NFE2L2: variants seen among roughly 807,000 people sequenced by gnomAD.
NFE2L2 encodes the protein nuclear factor erythroid 2-related factor 2.
A neutral mutation model predicts 49.6 loss-of-function variants in NFE2L2; 20 were observed. That is an observed-to-expected ratio of 0.40 (90% CI 0.28 to 0.59). The LOEUF is 0.59. Ranked by LOEUF, NFE2L2 falls within the 20% of genes least tolerant of loss-of-function variation. The pLI, the probability that NFE2L2 is intolerant of heterozygous loss-of-function variation, is 0.40. For missense variants in NFE2L2, 578 were observed against 714.2 expected (o/e 0.81, Z 2.17); for synonymous variants, 244 against 256.5 (o/e 0.95, Z 0.47).
At position 177,264,681 on chromosome 2, in the gene NFE2L2, G is replaced by A. The variant is rs2105503439; in HGVS notation, c.-105C>T. On this transcript the variant is annotated 5_prime_UTR_variant, in exon 1 of 5. Transcript: ENST00000397062. ...CTCTGGTGGCGGCGGCGGCGGCGGT[G>A]GCGGCTGCGTCGGCGGCTCCTCCGG... 9 of 1,090,224 alleles carry A rather than the reference G, an allele frequency of 8.3e-6. No homozygotes were observed. The highest frequency in any genetic ancestry group is 3.2e-5 in the East Asian group (1 of 30,842). The allele number at this position is 1,090,224 out of a possible 1,614,324, so 67.5% of individuals were successfully genotyped here. A position where few individuals can be genotyped will look rare whatever the true frequency, so the allele number is the denominator to read the frequency against.
chr2:177,243,333 T>A (rs150772414), intron 1 of NFE2L2, among the ~76,000 whole-genome samples: 1,776 of 152,300 alleles, frequency 0.012, 19 homozygotes, highest in Non-Finnish European at 0.02. Context: ...CATGCTGGTG[T>A]ACCCTCATCC....
intron 1 of NFE2L2, among the ~76,000 whole-genome samples, chr2:177,248,892 G>C (rs1240351484): frequency 1.3e-5 from 2 of 152,056 alleles, no homozygotes; most frequent in South Asian, 4.1e-4. Context: ...ATTATCAAGC[G>C]CAAACCTGGC....
At chr2:177,258,587 G>GT (rs1690616184) in intron 1 of NFE2L2, among the ~76,000 whole-genome samples, 1 of 151,876 alleles carries the variant, frequency 6.6e-6, no homozygotes, top group Admixed American at 6.6e-5. Context: ...GATTAAATGG[G>GT]TAAATTGTAA....
rs1689534879 is a variant in NFE2L2 at position 177,231,255 on chromosome 2, A to G, written c.1348T>C (p.Leu450=). Residue 450 remains leucine, a synonymous_variant, in exon 5 of 5, where the codon TTG becomes CTG. Coordinates refer to ENST00000397062, the MANE Select transcript of NFE2L2 (RefSeq NM_006164.5). ...PFTKDKHSSR[L]EAHLTRDELR... Reference sequence around the variant, plus strand: ...TCATCTCTTGTGAGATGAGCCTCCAAGCGGCTTGAATGTTTGTCTTTTGTG... The same window carrying G: ...TCATCTCTTGTGAGATGAGCCTCCAGGCGGCTTGAATGTTTGTCTTTTGTG... 3.1e-6 allele frequency: 5 copies of G among 1,614,206 alleles called. No homozygotes were observed. Among genetic ancestry groups the G allele is most frequent in the Admixed American group, 1.7e-5 (1 of 60,026 alleles).
At chr2:177,234,539 G>T (rs1689673755) in intron 1 of NFE2L2, among the ~76,000 whole-genome samples, 3 of 152,186 alleles carry the variant, frequency 2.0e-5, no homozygotes, top group Admixed American at 2.0e-4. Context: ...GATGGTAGAG[G>T]TCACTAAAGG....
chr2:177,246,468 G>A (rs753781080), intron 1 of NFE2L2, among the ~76,000 whole-genome samples: 1 of 152,048 alleles, frequency 6.6e-6, no homozygotes, highest in African/African-American at 2.4e-5. Flanking sequence ...ACTAGTATCA[G>A]GTTTTTTTTT....
In NFE2L2 at chr2:177,258,260, C is replaced by T. The variant is rs576801914; in HGVS notation, c.45+6272G>A. Among the ~76,000 whole-genome samples, 36 of 152,262 alleles carry T rather than the reference C, an allele frequency of 2.4e-4. 1 individual carries two copies. Among genetic ancestry groups the T allele is most frequent in the South Asian group, 1.9e-3 (9 of 4,828 alleles). Reference sequence around the variant, plus strand: ...AGTATGCAGCCATAAAAAGGAATGACGCTATTGATATACGTTGCAACATTT... The same window carrying T: ...AGTATGCAGCCATAAAAAGGAATGATGCTATTGATATACGTTGCAACATTT... On this transcript the variant is annotated intron_variant, in intron 1 of 4. Coordinates refer to ENST00000397062, the MANE Select transcript of NFE2L2 (RefSeq NM_006164.5).
At chr2:177,239,404 T>C (rs1054034796) in intron 1 of NFE2L2, among the ~76,000 whole-genome samples, 1 of 152,196 alleles carries the variant, frequency 6.6e-6, no homozygotes, top group South Asian at 2.1e-4. Flanking sequence ...TGGCCAGGCA[T>C]GGTGGCTCAC....
At chr2:177,232,785 G>C in intron 3 of NFE2L2, 1 of 562,504 alleles carries the variant, frequency 1.8e-6, no homozygotes, top group South Asian at 2.6e-5. Flanking sequence ...GTCTGTTTCA[G>C]CTTAAGCATT....
intron 2 of NFE2L2, chr2:177,233,714 C>G: frequency 1.9e-6 from 1 of 531,584 alleles, no homozygotes; most frequent in South Asian, 2.4e-5. Context: ...TCTCCTGCTA[C>G]TACTTCTGTT....
At chr2:177,255,598 T>C (rs1023375303) in intron 1 of NFE2L2, among the ~76,000 whole-genome samples, 2 of 152,166 alleles carry the variant, frequency 1.3e-5, no homozygotes, top group Non-Finnish European at 2.9e-5. Context: ...CTTACTCTGT[T>C]GCCTGGGCTG....
intron 1 of NFE2L2, 91 bp downstream of exon 1, chr2:177,264,441 C>G: frequency 1.5e-6 from 2 of 1,349,700 alleles, no homozygotes; most frequent in Non-Finnish European, 1.0e-6. Context: ...TGGGGGAAGC[C>G]GGTTGCGGCT....
chr2:177,254,996 G>A (rs780312137), intron 1 of NFE2L2, among the ~76,000 whole-genome samples: 27 of 152,222 alleles, frequency 1.8e-4, no homozygotes, highest in Non-Finnish European at 3.5e-4. Context: ...GAATGAAGAT[G>A]AAAGACTAAT....
chr2:177,230,665 G>A lies in NFE2L2; in HGVS notation c.*120C>T. Reference sequence around the variant, plus strand: ...AAGTTTCGTATTATTTTCTATACTAGTTTTGGCTATGATTTTGCATAGAAT... The same window carrying A: ...AAGTTTCGTATTATTTTCTATACTAATTTTGGCTATGATTTTGCATAGAAT... On this transcript the variant is annotated 3_prime_UTR_variant, in exon 5 of 5. Transcript: ENST00000397062. 8.7e-7 allele frequency: 1 copy of A among 1,151,098 alleles called. No homozygotes were observed. Among genetic ancestry groups the A allele is most frequent in the Admixed American group, 3.0e-5 (1 of 32,892 alleles). The allele number at this position is 1,151,098 out of a possible 1,614,324, so 71.3% of individuals were successfully genotyped here.
chr2:177,256,499 CAAAAAAAAAAA>C (rs35073132), intron 1 of NFE2L2, among the ~76,000 whole-genome samples: 2 of 75,084 alleles, frequency 2.7e-5, no homozygotes, highest in African/African-American at 4.7e-5. Context: ...TACATTCTTG[CAAAAAAAAAAA>C]AAAAAAAAAA....
rs112025320 is a variant in NFE2L2, at chr2:177,247,383, C to T, written c.46-13112G>A. Among the ~76,000 whole-genome samples the T allele has an allele frequency of 8.9e-3, 1,358 of 152,194 alleles. 10 individuals are homozygous for T. Among genetic ancestry groups the T allele is most frequent in the Non-Finnish European group, 0.014 (942 of 68,016 alleles). ...TGAGGCCAAAGAAAGGAATAAAGGC[C>T]GGGCGCCGTGGCTCAAGCCTGTAAT... On this transcript the variant is annotated intron_variant, in intron 1 of 4. Transcript: ENST00000397062.
intron 1 of NFE2L2, chr2:177,263,836 T>C: frequency 1.0e-6 from 1 of 985,436 alleles, no homozygotes; most frequent in Non-Finnish European, 1.2e-6. Context: ...ACGTCGGGGC[T>C]TCTGAGCCCG....
intron 3 of NFE2L2, 50 bp from the exon 4 acceptor site, chr2:177,232,633 A>C: frequency 6.3e-7 from 1 of 1,580,268 alleles, no homozygotes; most frequent in Non-Finnish European, 8.6e-7. Context: ...ACAGGGGATG[A>C]GTAAGCTCTA....
chr2:177,253,072 C>T (rs1263796402), intron 1 of NFE2L2, among the ~76,000 whole-genome samples: 1 of 152,210 alleles, frequency 6.6e-6, no homozygotes, highest in Non-Finnish European at 1.5e-5. Context: ...CCCACTGGCC[C>T]AATAGTCTGT....
Sources: allele counts gnomAD v4.1 joint callset (sites outside exome capture counted in the v4.1 genomes callset), GRCh38; gene constraint gnomAD v4.1.1; transcripts MANE v1.5; gene names NCBI Gene and HGNC (gene_info 2026-07-23, HGNC 2026-07-21).